The following LAMA2 variants were observed in gnomAD, a reference collection of about 807,000 sequenced individuals.
The protein encoded by LAMA2 is laminin subunit alpha-2.
In LAMA2, 269 loss-of-function variants were observed where a neutral mutation model predicts 364.8. The ratio of observed to expected loss-of-function variants is 0.74; its 90% CI spans 0.67 to 0.82. LAMA2 has a LOEUF of 0.82. Ranked by LOEUF, LAMA2 falls within the 40% of genes least tolerant of loss-of-function variation. The pLI is 0.00. For missense variants in LAMA2, 3,807 were observed against 3,873.2 expected, an observed-to-expected ratio of 0.98 and a Z score of 0.45; for synonymous variants, 1,379 against 1,370.6, an observed-to-expected ratio of 1.01 and a Z score of -0.14.
intron 1 of LAMA2, among the ~76,000 whole-genome samples, chr6:129,005,716 G>T (rs994002143): frequency 1.3e-5 from 2 of 151,024 alleles, no homozygotes; most frequent in Non-Finnish European, 3.0e-5. Context: ...AAAAATGTGT[G>T]TGTGTGTGTG....
intron 45 of LAMA2, among the ~76,000 whole-genome samples, chr6:129,451,246 A>G (rs1782660412): frequency 6.6e-6 from 1 of 152,170 alleles, no homozygotes; most frequent in South Asian, 2.1e-4. Context: ...TCAACACTGT[A>G]TGTAGAAGGG....
intron 60 of LAMA2, among the ~76,000 whole-genome samples, chr6:129,504,143 C>T (rs1043318717): frequency 7.9e-5 from 12 of 152,044 alleles, no homozygotes; most frequent in African/African-American, 2.9e-4. Context: ...TCTAGAAAGC[C>T]AAAGAACCTT....
At position 129,328,291 on chromosome 6, in the gene LAMA2, G is replaced by C; in HGVS notation, c.4190G>C (p.Gly1397Ala). Residue 1397 changes from glycine to alanine, a missense_variant, in exon 29 of 65, where the codon GGA becomes GCA. Transcript: ENST00000421865. ...SGLSCEACLP[G>A]FYRLRSQPGG... The stretch of plus-strand genomic sequence containing the variant: ...CTTTTCTTTCAGGCATGCTTGCCGG[G>C]ATTTTATCGACTGCGTTCTCAACCA... 6.2e-7 allele frequency: 1 copy of C among 1,614,112 alleles called. No individual in the cohort carries two copies. Among genetic ancestry groups the C allele is most frequent in the South Asian group, 1.1e-5 (1 of 91,086 alleles).
At chr6:128,961,394 G>A (rs112747657) in intron 1 of LAMA2, among the ~76,000 whole-genome samples, 3,225 of 103,078 alleles carry the variant, frequency 0.031, 248 homozygotes, top group African/African-American at 0.11. Flanking sequence ...TAACTTATAC[G>A]ACTGCATATA....
intron 17 of LAMA2, among the ~76,000 whole-genome samples, chr6:129,275,105 C>T (rs1788211444): frequency 6.6e-6 from 1 of 151,800 alleles, no homozygotes; most frequent in Non-Finnish European, 1.5e-5. Flanking sequence ...TTGAGTTGAC[C>T]TTTGGGCTCA....
intron 8 of LAMA2, among the ~76,000 whole-genome samples, chr6:129,155,263 G>C (rs1356528909): frequency 6.6e-6 from 1 of 152,088 alleles, no homozygotes; most frequent in Non-Finnish European, 1.5e-5. Context: ...GGAATAGAAA[G>C]CTTTTTTCAT....
chr6:129,504,416 T>G (rs555624683), intron 60 of LAMA2, among the ~76,000 whole-genome samples: 1 of 152,224 alleles, frequency 6.6e-6, no homozygotes, highest in Non-Finnish European at 1.5e-5. Context: ...TGATGGTTTT[T>G]AAAAATTACT....
intron 23 of LAMA2, among the ~76,000 whole-genome samples, chr6:129,313,871 G>C (rs1299601450): frequency 6.6e-6 from 1 of 152,174 alleles, no homozygotes; most frequent in East Asian, 1.9e-4. Context: ...CCAATACCGA[G>C]TACAATGCTG....
At chr6:129,423,730 C>T (rs542880823) in intron 40 of LAMA2, among the ~76,000 whole-genome samples, 1 of 152,078 alleles carries the variant, frequency 6.6e-6, no homozygotes, top group Non-Finnish European at 1.5e-5. Context: ...AAAAGACCCC[C>T]TACACTGAAT....
At position 129,440,957 on chromosome 6, in the gene LAMA2, T is replaced by A; in HGVS notation, c.6227T>A (p.Val2076Asp). 1 of 1,613,922 alleles carries A rather than the reference T, an allele frequency of 6.2e-7. No homozygotes were observed. The highest frequency in any genetic ancestry group is 8.5e-7 in the Non-Finnish European group (1 of 1,179,868). ...AATTACAATAAACTAGCAGACAGCGTCGCCAAAACGAATGCTGTGGTTAAA... is the reference window on the plus strand; with the variant it reads ...AATTACAATAAACTAGCAGACAGCGACGCCAAAACGAATGCTGTGGTTAAA... ...KKNYNKLADS[V>D]AKTNAVVKDP... Residue 2076 changes from valine (V) to aspartate (D), a missense_variant, in exon 43 of 65, where the codon GTC (valine) becomes GAC (aspartate). Physicochemically the swap from Val to Asp is radical, Grantham distance 152. Transcript: ENST00000421865.
intron 56 of LAMA2, among the ~76,000 whole-genome samples, chr6:129,488,390 C>T (rs955261579): frequency 3.3e-5 from 5 of 152,102 alleles, no homozygotes; most frequent in East Asian, 3.8e-4. Flanking sequence ...ATTAGTTTAC[C>T]GAAATCACTC....
chr6:129,435,311 A>G (rs1338230144), intron 41 of LAMA2, among the ~76,000 whole-genome samples: 1 of 152,226 alleles, frequency 6.6e-6, no homozygotes, highest in African/African-American at 2.4e-5. Flanking sequence ...TCAAGCTAAT[A>G]TCAAAAGAGC....
At chr6:129,482,656 T>G (rs1265548135) in intron 55 of LAMA2, among the ~76,000 whole-genome samples, 5 of 152,312 alleles carry the variant, frequency 3.3e-5, no homozygotes, top group African/African-American at 1.2e-4. Context: ...CTTATTTATT[T>G]TTCTAAAAAA....
chr6:129,333,510 G>A (rs1476734948), intron 29 of LAMA2, among the ~76,000 whole-genome samples: 1 of 152,144 alleles, frequency 6.6e-6, no homozygotes, highest in African/African-American at 2.4e-5. Flanking sequence ...GAATGTAGAT[G>A]CATTTAAGAG....
chr6:129,224,362 G>A (rs907720676), intron 12 of LAMA2, among the ~76,000 whole-genome samples: 2 of 152,212 alleles, frequency 1.3e-5, no homozygotes, highest in African/African-American at 4.8e-5. Context: ...GATTGCCCTG[G>A]CCAGAACTTC....
rs1176749941 is a variant in LAMA2, at chr6:128,906,545, A to C, written c.112+23188A>C. The stretch of plus-strand genomic sequence containing the variant: ...AGATTCTGGATATTAGCCCTTTGTC[A>C]GATGAGTAGGTTGCGAAAATTTTCT... On this transcript the variant is annotated intron_variant, in intron 1 of 64. Transcript: ENST00000421865. Among the ~76,000 whole-genome samples the C allele has an allele frequency of 2.2e-3, 332 of 148,008 alleles. 2 individuals carry two copies. Among genetic ancestry groups the C allele is most frequent in the African/African-American group, 7.5e-3 (301 of 39,928 alleles).
At position 129,286,626 on chromosome 6, in the gene LAMA2, TATA is replaced by T. The variant is rs1342174850; in HGVS notation, c.2538-1214_2538-1212del. On this transcript the variant is annotated intron_variant, in intron 18 of 64. Transcript: ENST00000421865. ...TAATATATTATATTTATATAATATA[TATA>T]ATAATATATAATATATTATATTTAT... 3.3e-4 allele frequency among the ~76,000 whole-genome samples: 30 copies of T among 90,598 alleles called. 6 individuals carry two copies. Among genetic ancestry groups the T allele is most frequent in the African/African-American group, 1.7e-3 (30 of 17,432 alleles). 59.4% of individuals were successfully genotyped at this position (90,598 alleles called of 152,430 possible).
chr6:129,384,999 T>C (rs1017258075), intron 35 of LAMA2, among the ~76,000 whole-genome samples: 1 of 130,058 alleles, frequency 7.7e-6, no homozygotes, highest in African/African-American at 3.0e-5. Flanking sequence ...AAATGTTCAT[T>C]GAGATGTAAT....
chr6:129,054,349 G>A (rs1049246357), intron 2 of LAMA2, among the ~76,000 whole-genome samples: 1 of 152,172 alleles, frequency 6.6e-6, no homozygotes, highest in African/African-American at 2.4e-5. Context: ...TGAAGAAAAG[G>A]TCAGAAAGTA....
Sources: gnomAD v4.1 joint callset for allele counts (sites outside exome capture counted in the v4.1 genomes callset) on GRCh38, gnomAD v4.1.1 for gene constraint, MANE v1.5 for transcripts, NCBI Gene and HGNC (gene_info 2026-07-23, HGNC 2026-07-21) for gene names.